Variants in GRK5 observed in about 807,000 individuals in gnomAD.
The protein encoded by GRK5 is G protein-coupled receptor kinase 5.
Under a neutral mutation model 78.4 loss-of-function variants are expected in GRK5, and 40 were observed. The ratio of observed to expected loss-of-function variants is 0.51; its 90% CI spans 0.40 to 0.66. The LOEUF is 0.66. Among genes scored for constraint, GRK5 ranks in the 30% least tolerant of loss-of-function variants. GRK5 has a pLI of 0.00. For missense variants in GRK5, 598 were observed against 759.9 expected, an observed-to-expected ratio of 0.79 and a Z score of 2.50; for synonymous variants, 289 against 296.8, an observed-to-expected ratio of 0.97 and a Z score of 0.27.
chr10:119,404,103 G>A (rs937360943), intron 4 of GRK5, among the ~76,000 whole-genome samples: 1 of 152,206 alleles, frequency 6.6e-6, no homozygotes, highest in African/African-American at 2.4e-5. Flanking sequence ...CTGCTGGGCT[G>A]TTCTTCAAAG....
Position 119,455,134 on chromosome 10 carries a change from G to A in GRK5, c.*67G>A, listed in dbSNP as rs762310438. 3.2e-6 allele frequency: 4 copies of A among 1,266,454 alleles called. No individual in the cohort carries two copies. The highest frequency in any genetic ancestry group is 4.6e-6 in the Non-Finnish European group (4 of 865,968). The allele number at this position is 1,266,454 out of a possible 1,614,324, so 78.5% of individuals were successfully genotyped here. On this transcript the variant is annotated 3_prime_UTR_variant, in exon 16 of 16. Coordinates refer to ENST00000392870, the MANE Select transcript of GRK5 (RefSeq NM_005308.3). ...ACCCTTCTCCTTAGAAGTGGAAGTA[G>A]TGGAGCCCCTGCTCTGGTGGGGCTG...
At chr10:119,394,033 A>G (rs1175465676) in intron 3 of GRK5, among the ~76,000 whole-genome samples, 2 of 99,544 alleles carry the variant, frequency 2.0e-5, no homozygotes, top group Non-Finnish European at 4.1e-5. Flanking sequence ...GTTTGTGTGG[A>G]TGGGTATCTG....
At chr10:119,300,577 A>G (rs1850161203) in intron 1 of GRK5, among the ~76,000 whole-genome samples, 1 of 152,240 alleles carries the variant, frequency 6.6e-6, no homozygotes, top group Non-Finnish European at 1.5e-5. Context: ...TTATAAATGC[A>G]TAGATCTGGG....
chr10:119,291,227 C>T (rs892495488), intron 1 of GRK5, among the ~76,000 whole-genome samples: 1 of 152,130 alleles, frequency 6.6e-6, no homozygotes, highest in African/African-American at 2.4e-5. Context: ...TTTCTGAAAG[C>T]TGCCATTGGA....
At chr10:119,296,295 A>G (rs58805746) in intron 1 of GRK5, among the ~76,000 whole-genome samples, 3,146 of 152,358 alleles carry the variant, frequency 0.021, 48 homozygotes, top group South Asian at 0.04. Context: ...GCTCCCCAGC[A>G]GACACCCTCC....
chr10:119,278,999 T>C (rs1849712725), intron 1 of GRK5, among the ~76,000 whole-genome samples: 1 of 152,202 alleles, frequency 6.6e-6, no homozygotes, highest in Admixed American at 6.5e-5. Flanking sequence ...CACCTCTGTC[T>C]CCCGAGTAGC....
Position 119,455,360 on chromosome 10 carries a change from C to G in GRK5, c.*293C>G. 1.7e-6 allele frequency: 1 copy of G among 588,570 alleles called. No homozygotes were observed. The highest frequency in any genetic ancestry group is 3.1e-6 in the Non-Finnish European group (1 of 323,644). 36.5% of individuals were successfully genotyped at this position (588,570 alleles called of 1,614,324 possible). A position where few individuals can be genotyped will look rare whatever the true frequency, so the allele number is the denominator to read the frequency against. On this transcript the variant is annotated 3_prime_UTR_variant, in exon 16 of 16. Transcript: ENST00000392870. The stretch of plus-strand genomic sequence containing the variant: ...TGCACGTATTTTAATAGCGTCATAA[C>G]TAGAACTGAATTTTGTCTTTATGAT...
chr10:119,308,507 C>G (rs923508093), intron 1 of GRK5, among the ~76,000 whole-genome samples: 2 of 152,226 alleles, frequency 1.3e-5, no homozygotes, highest in Non-Finnish European at 2.9e-5. Context: ...CCAGGAGCAG[C>G]CCACTCCATG....
intron 1 of GRK5, among the ~76,000 whole-genome samples, chr10:119,300,756 C>G (rs910619675): frequency 2.0e-5 from 3 of 152,006 alleles, no homozygotes; most frequent in Non-Finnish European, 4.4e-5. Flanking sequence ...ACTTCCAGAC[C>G]ATGGGGTTTG....
In GRK5 at chr10:119,374,311, C is replaced by T. The variant is rs181994586; in HGVS notation, c.149-6504C>T. ...AGAGAATTGATGGCAGAGCTGAGAC[C>T]GACCCCTGCCCAGTGCTCATCCACT... On this transcript the variant is annotated intron_variant, in intron 2 of 15. Transcript: ENST00000392870. Among the ~76,000 whole-genome samples, 268 of 152,294 alleles carry T rather than the reference C, an allele frequency of 1.8e-3. 2 individuals carry two copies. Among genetic ancestry groups the T allele is most frequent in the Admixed American group, 0.012 (184 of 15,300 alleles).
At chr10:119,258,385 A>C (rs1435614056) in intron 1 of GRK5, among the ~76,000 whole-genome samples, 1 of 152,208 alleles carries the variant, frequency 6.6e-6, no homozygotes, top group African/African-American at 2.4e-5. Flanking sequence ...AGCCACTATA[A>C]GCATTCACGA....
At chr10:119,380,031 C>T in intron 2 of GRK5, among the ~76,000 whole-genome samples, 1 of 152,140 alleles carries the variant, frequency 6.6e-6, no homozygotes, top group East Asian at 1.9e-4. Flanking sequence ...CTGGAAAAGT[C>T]AGGGTTTTCA....
chr10:119,229,360 A>C (rs1224145990), intron 1 of GRK5, among the ~76,000 whole-genome samples: 1 of 152,180 alleles, frequency 6.6e-6, no homozygotes, highest in Non-Finnish European at 1.5e-5. Context: ...GAGCACTCCT[A>C]TCCTTGGTTG....
intron 1 of GRK5, among the ~76,000 whole-genome samples, chr10:119,218,253 A>G (rs2133705136): frequency 6.6e-6 from 1 of 152,170 alleles, no homozygotes; most frequent in East Asian, 1.9e-4. Flanking sequence ...AGGGTACAGG[A>G]AGCCATGCTT....
intron 1 of GRK5, among the ~76,000 whole-genome samples, chr10:119,292,569 C>T (rs1850001312): frequency 6.6e-6 from 1 of 152,142 alleles, no homozygotes; most frequent in Admixed American, 6.5e-5. Flanking sequence ...TTGCTGTGTG[C>T]TAGATGGGAT....
intron 1 of GRK5, among the ~76,000 whole-genome samples, chr10:119,303,713 A>AGG (rs77632020): frequency 0.12 from 17,519 of 151,092 alleles, 1,115 homozygotes; most frequent in Middle Eastern, 0.17. Context: ...GTGGGAGGGG[A>AGG]GGAGGCTGGT....
intron 3 of GRK5, among the ~76,000 whole-genome samples, chr10:119,394,295 T>TATGTGTGG (rs1851966059): frequency 3.5e-4 from 2 of 5,668 alleles, no homozygotes; most frequent in African/African-American, 1.0e-3. Flanking sequence ...GGTGTGTATC[T>TATGTGTGG]GTGTGTCTGT....
chr10:119,430,537 C>CG lies in GRK5; in HGVS notation c.597+104dup, dbSNP rs1303561022. 3.7e-6 allele frequency: 4 copies of CG among 1,078,072 alleles called. No individual in the cohort carries two copies. The highest frequency in any genetic ancestry group is 5.5e-6 in the Non-Finnish European group (4 of 732,072). The allele number at this position is 1,078,072 out of a possible 1,614,324, so 66.8% of individuals were successfully genotyped here. A position where few individuals can be genotyped will look rare whatever the true frequency, so the allele number is the denominator to read the frequency against. ...CTAAAGGGTTGGCCCACGGGTCCCC[C>CG]GGGGGCACCAGTGGCTCAATGTGGG... On this transcript the variant is annotated intron_variant, in intron 7 of 15. Coordinates refer to ENST00000392870, the MANE Select transcript of GRK5 (RefSeq NM_005308.3). This position sits in a 1 kb window ranked among gnomAD's most constrained non-coding sequence, Gnocchi z 4.5.
intron 4 of GRK5, among the ~76,000 whole-genome samples, chr10:119,410,961 C>A (rs2133869784): frequency 6.6e-6 from 1 of 151,444 alleles, no homozygotes; most frequent in South Asian, 2.2e-4. Context: ...TGACCTTGAA[C>A]TCCTGCCATT....
Sources: gnomAD v4.1 joint callset for allele counts (sites outside exome capture counted in the v4.1 genomes callset) on GRCh38, gnomAD v4.1.1 for gene constraint, Gnocchi (gnomAD v3.1) non-coding constraint, MANE v1.5 for transcripts, NCBI Gene and HGNC (gene_info 2026-07-23, HGNC 2026-07-21) for gene names.